The following UVRAG variants were observed in gnomAD, a reference collection of about 807,000 sequenced individuals.
UVRAG encodes the protein UV radiation resistance associated.
In UVRAG, 19 loss-of-function variants were observed where a neutral mutation model predicts 78.0. The ratio of observed to expected loss-of-function variants is 0.24; its 90% CI spans 0.17 to 0.36. The LOEUF (loss-of-function observed/expected upper bound fraction) is 0.36. UVRAG is among the 10% of genes least tolerant of loss of function. UVRAG has a pLI of 1.00. For synonymous variants in UVRAG, 323 were observed against 324.6 expected (o/e 1.00, Z 0.05); for missense variants, 740 against 853.8 (o/e 0.87, Z 1.66).
intron 13 of UVRAG, among the ~76,000 whole-genome samples, chr11:76,088,141 A>G (rs1441499465): frequency 6.6e-6 from 1 of 152,162 alleles, no homozygotes; most frequent in Non-Finnish European, 1.5e-5. Flanking sequence ...GGCTCAAGCG[A>G]TAGTGATGGG....
chr11:75,958,326 C>T lies in UVRAG; in HGVS notation c.594-3118C>T, dbSNP rs769210609. ...TAGAACTTCTTTCAAAATTGGAGTCCGTCCTTCCCCTCAAACCCTGCCACT... is the reference window on the plus strand; with the variant it reads ...TAGAACTTCTTTCAAAATTGGAGTCTGTCCTTCCCCTCAAACCCTGCCACT... On this transcript the variant is annotated intron_variant, in intron 6 of 14. Coordinates refer to ENST00000356136, the MANE Select transcript of UVRAG (RefSeq NM_003369.4). Among the ~76,000 whole-genome samples, 9 of 152,190 alleles carry T rather than the reference C, an allele frequency of 5.9e-5. No individual in the cohort carries two copies. In the South Asian group the frequency reaches 1.7e-3, roughly 28 times the overall value.
At chr11:76,053,343 A>ACACACACACACAC (rs61533528) in intron 12 of UVRAG, among the ~76,000 whole-genome samples, 1 of 146,976 alleles carries the variant, frequency 6.8e-6, no homozygotes, top group African/African-American at 2.7e-5. Context: ...ACACACACAC[A>ACACACACACACAC]AAAATAAATA....
At chr11:76,097,057 C>T (rs538090051) in intron 13 of UVRAG, among the ~76,000 whole-genome samples, 13 of 152,272 alleles carry the variant, frequency 8.5e-5, no homozygotes, top group African/African-American at 2.9e-4. Flanking sequence ...TGGCACTCCG[C>T]AAGTGCAAGA....
At chr11:76,088,854 C>A (rs559294061) in intron 13 of UVRAG, among the ~76,000 whole-genome samples, 1 of 152,144 alleles carries the variant, frequency 6.6e-6, no homozygotes, top group Admixed American at 6.5e-5. Flanking sequence ...AACAAGTAAT[C>A]GATCAAATAT....
chr11:75,908,923 A>G (rs148996676), intron 5 of UVRAG, among the ~76,000 whole-genome samples: 1 of 152,038 alleles, frequency 6.6e-6, no homozygotes, highest in African/African-American at 2.4e-5. Flanking sequence ...TTGCTGGAAT[A>G]CAATTAATTG....
intron 6 of UVRAG, among the ~76,000 whole-genome samples, chr11:75,951,375 T>C (rs1948700080): frequency 6.6e-6 from 1 of 151,590 alleles, no homozygotes; most frequent in African/African-American, 2.4e-5. Context: ...ATTTTTTGTT[T>C]GTTTGTTTGT....
At chr11:75,931,803 C>A (rs1214988227) in intron 6 of UVRAG, among the ~76,000 whole-genome samples, 1 of 152,176 alleles carries the variant, frequency 6.6e-6, no homozygotes, top group African/African-American at 2.4e-5. Flanking sequence ...CACTCTACCT[C>A]TGTGTTTTTG....
chr11:76,107,455 C>T (rs1951992299), intron 13 of UVRAG, among the ~76,000 whole-genome samples: 1 of 152,122 alleles, frequency 6.6e-6, no homozygotes, highest in African/African-American at 2.4e-5. Flanking sequence ...GAAGCTTTTT[C>T]AATTACTAGA....
chr11:76,002,537 G>A (rs951512587), intron 8 of UVRAG, among the ~76,000 whole-genome samples: 1 of 152,040 alleles, frequency 6.6e-6, no homozygotes, highest in African/African-American at 2.4e-5. Flanking sequence ...AAATTATCTG[G>A]GATGAAGAAT....
At chr11:75,907,670 T>C (rs979685545) in intron 5 of UVRAG, among the ~76,000 whole-genome samples, 1 of 151,934 alleles carries the variant, frequency 6.6e-6, no homozygotes, top group Non-Finnish European at 1.5e-5. Flanking sequence ...TGCATCACCA[T>C]GCCCAGCCAA....
At chr11:76,006,487 C>T (rs946307800) in intron 9 of UVRAG, among the ~76,000 whole-genome samples, 9 of 151,906 alleles carry the variant, frequency 5.9e-5, no homozygotes, top group Non-Finnish European at 1.2e-4. Context: ...TGGTGAAACA[C>T]TGTCTCTACA....
chr11:75,857,495 C>G (rs189093540), intron 2 of UVRAG, among the ~76,000 whole-genome samples: 23 of 151,604 alleles, frequency 1.5e-4, no homozygotes, highest in South Asian at 1.0e-3. Flanking sequence ...TTTTCCCCCC[C>G]CCTTTTTTTT....
intron 1 of UVRAG, among the ~76,000 whole-genome samples, chr11:75,837,011 C>G (rs1362982659): frequency 4.6e-5 from 7 of 152,074 alleles, no homozygotes; most frequent in African/African-American, 1.7e-4. Context: ...ACAGCCACCA[C>G]CCTAATCCCC....
At position 75,858,443 on chromosome 11, in the gene UVRAG, C is replaced by A. The variant is rs556557921; in HGVS notation, c.236-3303C>A. ...CCATATTGGTTCATAGACAGCATCC[C>A]TGTATTTTGTTTTTTTCTGCATAGT... On this transcript the variant is annotated intron_variant, in intron 2 of 14. Transcript: ENST00000356136. Among the ~76,000 whole-genome samples the A allele has an allele frequency of 2.8e-4, 42 of 152,202 alleles. 1 individual carries two copies. Among genetic ancestry groups the A allele is most frequent in the Middle Eastern group, 6.8e-3 (2 of 294 alleles).
rs1236649308 is a variant in UVRAG at position 75,991,398 on chromosome 11, G to T, written c.826+7885G>T. ...ACACTATAAGGTTGTAAAGGGTTTAGGGACTTTTGACCTTTTCTAGTAAGA... is the reference window on the plus strand; with the variant it reads ...ACACTATAAGGTTGTAAAGGGTTTATGGACTTTTGACCTTTTCTAGTAAGA... On this transcript the variant is annotated intron_variant, in intron 8 of 14. Coordinates refer to ENST00000356136, the MANE Select transcript of UVRAG (RefSeq NM_003369.4). Among the ~76,000 whole-genome samples the T allele has an allele frequency of 2.0e-5, 3 of 152,224 alleles. No individual in the cohort carries two copies. In the East Asian group the frequency reaches 5.8e-4, roughly 29 times the overall value.
intron 6 of UVRAG, among the ~76,000 whole-genome samples, chr11:75,918,328 A>G (rs1355918856): frequency 1.3e-5 from 2 of 151,254 alleles, no homozygotes; most frequent in African/African-American, 2.4e-5. Context: ...CAGTGAGCCG[A>G]GATCGCGCCG....
At chr11:75,917,675 C>T (rs766241707) in intron 6 of UVRAG, among the ~76,000 whole-genome samples, 43 of 152,306 alleles carry the variant, frequency 2.8e-4, no homozygotes, top group Middle Eastern at 3.4e-3. Context: ...CCACACTCAT[C>T]GCGTTAATAC....
chr11:75,955,022 T>C (rs1948767903), intron 6 of UVRAG, among the ~76,000 whole-genome samples: 1 of 152,186 alleles, frequency 6.6e-6, no homozygotes. Context: ...TATAAGGATA[T>C]GTTTGGAGAG....
chr11:76,098,465 T>C (rs1002338791), intron 13 of UVRAG, among the ~76,000 whole-genome samples: 1 of 152,190 alleles, frequency 6.6e-6, no homozygotes, highest in African/African-American at 2.4e-5. Flanking sequence ...TTTCATTTTG[T>C]TGTTCCTTCT....
Sources: allele counts gnomAD v4.1 joint callset (sites outside exome capture counted in the v4.1 genomes callset), GRCh38; gene constraint gnomAD v4.1.1; transcripts MANE v1.5; gene names NCBI Gene and HGNC (gene_info 2026-07-23, HGNC 2026-07-21).